Variants in SPTAN1 observed in about 807,000 individuals in gnomAD.
SPTAN1 encodes spectrin alpha, non-erythrocytic 1.
A neutral mutation model predicts 331.3 loss-of-function variants in SPTAN1; 61 were observed. The observed-to-expected ratio is 0.18, with a 90% CI of 0.15 to 0.23. The LOEUF (loss-of-function observed/expected upper bound fraction) is 0.23. SPTAN1 is among the 10% of genes least tolerant of loss of function. SPTAN1 has a pLI of 1.00. For missense variants in SPTAN1, 2,043 were observed against 3,147.9 expected, an observed-to-expected ratio of 0.65 and a Z score of 8.40; for synonymous variants, 1,153 against 1,173.9, an observed-to-expected ratio of 0.98 and a Z score of 0.36.
rs746030790 is a variant in SPTAN1, at chr9:128,627,880, C to T, written c.6690-45C>T. ...TGTCCCCCCGATTGCTGCTGTTGTCCGGACACCACCTTGTCTCCCGGCTGC... is the reference window on the plus strand; with the variant it reads ...TGTCCCCCCGATTGCTGCTGTTGTCTGGACACCACCTTGTCTCCCGGCTGC... On this transcript the variant is annotated intron_variant, in intron 50 of 56. Coordinates refer to ENST00000372739, the MANE Select transcript of SPTAN1 (RefSeq NM_001130438.3). This position sits in a 1 kb window ranked among gnomAD's most constrained non-coding sequence, Gnocchi z 4.9. 2.8e-5 allele frequency: 45 copies of T among 1,612,918 alleles called. No individual in the cohort carries two copies. Among genetic ancestry groups the T allele is most frequent in the Admixed American group, 8.3e-5 (5 of 60,002 alleles).
At chr9:128,611,973 A>C (rs942887019) in intron 38 of SPTAN1, 128 bp downstream of exon 38, 7 of 1,601,250 alleles carry the variant, frequency 4.4e-6, no homozygotes, top group Non-Finnish European at 6.0e-6. Context: ...GCTGAATTAC[A>C]GATGGGGAAT....
chr9:128,630,492 T>C, intron 52 of SPTAN1, 117 bp downstream of exon 52: 1 of 1,003,426 alleles, frequency 1.0e-6, no homozygotes. Context: ...TGTACCCTTT[T>C]CCCTTGGCCT....
At chr9:128,624,719 G>A (rs946804804) in intron 46 of SPTAN1, 13 of 587,538 alleles carry the variant, frequency 2.2e-5, no homozygotes, top group African/African-American at 3.7e-5. Flanking sequence ...GCCTGTAAAC[G>A]CTGCTGCACG....
At chr9:128,606,195 C>A (rs1208850353) in intron 31 of SPTAN1, among the ~76,000 whole-genome samples, 1 of 151,076 alleles carries the variant, frequency 6.6e-6, no homozygotes, top group East Asian at 2.0e-4. Context: ...TATGGTGAAA[C>A]CCCATCTCTA....
At chr9:128,575,479 G>A in intron 5 of SPTAN1, 134 bp downstream of exon 5, 2 of 995,166 alleles carry the variant, frequency 2.0e-6, no homozygotes, top group Non-Finnish European at 3.1e-6. Context: ...TGAGAGTTTT[G>A]TTTAGATGTG....
At chr9:128,564,674 A>G (rs1457697491) in intron 1 of SPTAN1, among the ~76,000 whole-genome samples, 3 of 152,328 alleles carry the variant, frequency 2.0e-5, no homozygotes, top group East Asian at 3.9e-4. Context: ...TTGCAAATCT[A>G]TAGAGAAGTG....
At chr9:128,572,693 G>A (rs1277484294) in intron 3 of SPTAN1, among the ~76,000 whole-genome samples, 2 of 152,182 alleles carry the variant, frequency 1.3e-5, no homozygotes, top group Non-Finnish European at 2.9e-5. Flanking sequence ...TGGTAGCAGA[G>A]GAAGGTGGGT....
chr9:128,592,370 G>A (rs1180977359), intron 22 of SPTAN1, among the ~76,000 whole-genome samples: 3 of 151,860 alleles, frequency 2.0e-5, no homozygotes, highest in Middle Eastern at 6.8e-3. Flanking sequence ...TGCCTCCTGG[G>A]TTCAAGTGAT....
At chr9:128,611,605 C>G (rs1787777428) in intron 37 of SPTAN1, 109 bp from the exon 38 acceptor site, 2 of 1,309,082 alleles carry the variant, frequency 1.5e-6, no homozygotes, top group Middle Eastern at 1.8e-4. Flanking sequence ...TGGCATTTAC[C>G]CCAGTTCTTT....
At chr9:128,570,339 T>A (rs1397894648) in intron 3 of SPTAN1, among the ~76,000 whole-genome samples, 1,808 of 23,098 alleles carry the variant, frequency 0.078, 9 homozygotes, top group Non-Finnish European at 0.13. Flanking sequence ...TATTTTTTTT[T>A]TTTTTTTTTT....
chr9:128,567,940 T>G (rs1346019093), intron 2 of SPTAN1, among the ~76,000 whole-genome samples: 2 of 151,806 alleles, frequency 1.3e-5, no homozygotes, highest in Non-Finnish European at 1.5e-5. Context: ...TTTTGTATCT[T>G]TAGTAGAAAC....
In SPTAN1 at chr9:128,633,338, A is replaced by G. The variant is rs936411125; in HGVS notation, c.*4A>G. 4 of 1,613,308 alleles carry G rather than the reference A, an allele frequency of 2.5e-6. No individual in the cohort carries two copies. In the East Asian group the frequency reaches 6.7e-5, roughly 27 times the overall value. On this transcript the variant is annotated 3_prime_UTR_variant, in exon 57 of 57. Transcript: ENST00000372739. Reference sequence around the variant, plus strand: ...CCGCTCGCTTTTCGTGAACTGAGCCACTCCCTGGGTCACCCACCCCTCGCT... The same window carrying G: ...CCGCTCGCTTTTCGTGAACTGAGCCGCTCCCTGGGTCACCCACCCCTCGCT...
At position 128,574,689 on chromosome 9, in the gene SPTAN1, G is replaced by A. The variant is rs1227289939; in HGVS notation, c.378G>A (p.Glu126=). ...ASETIRTRLM[E]LHRQWELLLE... is the part of the protein sequence containing the mutation. ...GAAACTTTCAGACCCGTTTGATGGA[G>A]CTGCACCGCCAGTGGGAATTACTTT... Residue 126 remains glutamate, a synonymous_variant, in exon 4 of 57, where the codon GAG becomes GAA. Coordinates refer to ENST00000372739, the MANE Select transcript of SPTAN1 (RefSeq NM_001130438.3). 7 of 1,614,154 alleles carry A rather than the reference G, an allele frequency of 4.3e-6. No individual in the cohort carries two copies. The highest frequency in any genetic ancestry group is 5.9e-6 in the Non-Finnish European group (7 of 1,180,016).
chr9:128,616,265 A>T (rs1857157498), intron 41 of SPTAN1, among the ~76,000 whole-genome samples: 1 of 151,604 alleles, frequency 6.6e-6, no homozygotes, highest in South Asian at 2.1e-4. Flanking sequence ...CCAGGCTAGA[A>T]TGCCACCATG....
At chr9:128,579,993 A>C (rs1476780150) in intron 10 of SPTAN1, among the ~76,000 whole-genome samples, 1 of 152,072 alleles carries the variant, frequency 6.6e-6, no homozygotes, top group Non-Finnish European at 1.5e-5. Context: ...TGAGTCTTGC[A>C]TTAGGAGTTG....
chr9:128,617,480 A>G (rs1857314958), intron 41 of SPTAN1, among the ~76,000 whole-genome samples, 160 bp from the exon 42 acceptor site: 1 of 152,066 alleles, frequency 6.6e-6, no homozygotes, highest in Admixed American at 6.6e-5. Flanking sequence ...CTTGGTCCCT[A>G]CTCATTTGGG....
rs118148397 is a variant in SPTAN1 at position 128,583,406 on chromosome 9, A to C, written c.2011+125A>C. 10,925 of 987,292 alleles carry C rather than the reference A, an allele frequency of 0.011. 101 individuals carry two copies. Among genetic ancestry groups the C allele is most frequent in the Non-Finnish European group, 0.013 (8,629 of 642,136 alleles). The allele number at this position is 987,292 out of a possible 1,614,324, so 61.2% of individuals were successfully genotyped here. The stretch of plus-strand genomic sequence containing the variant: ...GGTGGATGACTTTGGCGTTAGGGAT[A>C]ATTTCCTGTGTAGGAATTACTTGGC... On this transcript the variant is annotated intron_variant, in intron 15 of 56. Transcript: ENST00000372739.
intron 31 of SPTAN1, among the ~76,000 whole-genome samples, chr9:128,606,391 A>AAAAAAAG (rs1855870875): frequency 6.7e-6 from 1 of 150,186 alleles, no homozygotes; most frequent in Admixed American, 6.6e-5. Flanking sequence ...AAAAAAAAAA[A>AAAAAAAG]ACAAGTCTCT....
chr9:128,623,231 C>G (rs934279465), intron 45 of SPTAN1, among the ~76,000 whole-genome samples: 2 of 149,970 alleles, frequency 1.3e-5, no homozygotes, highest in African/African-American at 4.9e-5. Flanking sequence ...TAATTTCTTT[C>G]TTTTTTTCTT....
Sources: gnomAD v4.1 joint callset for allele counts (sites outside exome capture counted in the v4.1 genomes callset) on GRCh38, gnomAD v4.1.1 for gene constraint, Gnocchi (gnomAD v3.1) non-coding constraint, MANE v1.5 for transcripts, NCBI Gene and HGNC (gene_info 2026-07-23, HGNC 2026-07-21) for gene names.